PPP1R9A: variants seen among roughly 807,000 people sequenced by gnomAD.
PPP1R9A encodes neurabin-1.
PPP1R9A carries 59 observed loss-of-function variants against 141.9 expected under a neutral mutation model. That is an observed-to-expected ratio of 0.42 (90% CI 0.34 to 0.52). The LOEUF (loss-of-function observed/expected upper bound fraction) is 0.52, where lower values mean the gene tolerates loss of function less well. Among genes scored for constraint, PPP1R9A ranks in the 20% least tolerant of loss-of-function variants. The probability of loss-of-function intolerance (pLI) is 0.10; values close to 1 mark genes in which losing one functional copy is unlikely to be tolerated. For missense variants in PPP1R9A, 1,444 were observed against 1,611.9 expected (o/e 0.90, Z 1.78); for synonymous variants, 500 against 569.7 (o/e 0.88, Z 1.74).
chr7:95,103,968 A>G (rs933432179), intron 2 of PPP1R9A, among the ~76,000 whole-genome samples: 9 of 152,210 alleles, frequency 5.9e-5, no homozygotes, highest in African/African-American at 2.2e-4. Flanking sequence ...TTAATTTTCT[A>G]GGTATTTCAA....
intron 2 of PPP1R9A, among the ~76,000 whole-genome samples, chr7:94,969,236 T>G (rs564515847): frequency 1.3e-5 from 2 of 152,300 alleles, no homozygotes; most frequent in East Asian, 3.9e-4. Flanking sequence ...TTCTGGTTTT[T>G]GGAATTTTCA....
intron 2 of PPP1R9A, among the ~76,000 whole-genome samples, chr7:94,992,118 C>A (rs564685677): frequency 7.9e-5 from 12 of 152,284 alleles, no homozygotes; most frequent in South Asian, 2.1e-4. Flanking sequence ...ATGTCACACC[C>A]CAAAGTTTTC....
chr7:95,080,148 G>T (rs1231646313), intron 2 of PPP1R9A, among the ~76,000 whole-genome samples: 4 of 152,192 alleles, frequency 2.6e-5, no homozygotes, highest in Non-Finnish European at 5.9e-5. Context: ...AAGTCAAATT[G>T]TCCCTGTTTG....
intron 2 of PPP1R9A, among the ~76,000 whole-genome samples, chr7:94,960,686 GTA>G (rs1797539901): frequency 1.3e-5 from 2 of 151,738 alleles, no homozygotes; most frequent in Middle Eastern, 6.8e-3. Context: ...CTGTTATTCA[GTA>G]AAGTTAACAA....
At chr7:95,085,607 G>T (rs930106799) in intron 2 of PPP1R9A, among the ~76,000 whole-genome samples, 7 of 151,158 alleles carry the variant, frequency 4.6e-5, no homozygotes, top group Admixed American at 1.3e-4. Flanking sequence ...TAGTGACGGG[G>T]TTTCGCCATA....
chr7:95,172,701 A>G (rs144871209), intron 5 of PPP1R9A, among the ~76,000 whole-genome samples: 31 of 152,026 alleles, frequency 2.0e-4, no homozygotes, highest in African/African-American at 7.5e-4. Flanking sequence ...TAAGATTTCA[A>G]CTTTCCCTAA....
At chr7:95,114,954 C>T (rs1379723128) in intron 3 of PPP1R9A, among the ~76,000 whole-genome samples, 1 of 148,848 alleles carries the variant, frequency 6.7e-6, no homozygotes, top group Non-Finnish European at 1.5e-5. Context: ...AAAGCTATAT[C>T]CTTGATTTCT....
In PPP1R9A at chr7:95,199,601, G is replaced by A. The variant is rs183023682; in HGVS notation, c.1890+1117G>A. On this transcript the variant is annotated intron_variant, in intron 6 of 19. Transcript: ENST00000433360. ...GCAGAAAATTAGAGGTGGTATATCCGTTAACTTTTGATCAAAGAATAATAT... is the reference window on the plus strand; with the variant it reads ...GCAGAAAATTAGAGGTGGTATATCCATTAACTTTTGATCAAAGAATAATAT... Among the ~76,000 whole-genome samples the A allele has an allele frequency of 1.9e-4, 29 of 152,172 alleles. No homozygotes were observed. In the East Asian group the frequency reaches 3.1e-3, roughly 16 times the overall value.
intron 5 of PPP1R9A, among the ~76,000 whole-genome samples, chr7:95,173,131 C>A (rs1180630429): frequency 1.3e-5 from 2 of 151,592 alleles, no homozygotes; most frequent in African/African-American, 2.4e-5. Flanking sequence ...AGAAAACAGG[C>A]AAAAATCTGT....
intron 4 of PPP1R9A, among the ~76,000 whole-genome samples, chr7:95,147,257 A>G (rs1049714594): frequency 6.6e-6 from 1 of 152,142 alleles, no homozygotes; most frequent in Non-Finnish European, 1.5e-5. Context: ...CCTTGTAGCA[A>G]TTGTGAATGG....
chr7:95,116,228 A>G (rs1339995005), intron 3 of PPP1R9A, among the ~76,000 whole-genome samples: 1 of 152,194 alleles, frequency 6.6e-6, no homozygotes, highest in Non-Finnish European at 1.5e-5. Context: ...AATTAAAACC[A>G]GAAATCAAAT....
chr7:95,201,097 C>T (rs983170856), intron 6 of PPP1R9A, among the ~76,000 whole-genome samples: 1 of 152,076 alleles, frequency 6.6e-6, no homozygotes, highest in Admixed American at 6.6e-5. Flanking sequence ...TTCTGTATTT[C>T]TAATAATAGG....
At chr7:95,226,412 G>C (rs1795149387) in intron 8 of PPP1R9A, among the ~76,000 whole-genome samples, 1 of 152,022 alleles carries the variant, frequency 6.6e-6, no homozygotes, top group African/African-American at 2.4e-5. Flanking sequence ...CAGAAGTTTT[G>C]GTAACTAGTG....
chr7:95,166,405 T>C (rs1831273893), intron 5 of PPP1R9A, among the ~76,000 whole-genome samples: 1 of 152,024 alleles, frequency 6.6e-6, no homozygotes, highest in Non-Finnish European at 1.5e-5. Context: ...ACTAGAAAAC[T>C]TAGACAAACT....
chr7:94,907,813 C>G (rs988238424), intron 1 of PPP1R9A, 111 bp downstream of exon 1: 1 of 151,002 alleles, frequency 6.6e-6, no homozygotes, highest in Non-Finnish European at 1.5e-5. Flanking sequence ...AACCCCTTCC[C>G]CGGCCGGCAC....
Position 95,108,307 on chromosome 7 carries a change from C to CTTTTTTTTTTTTTTTTTTTTTTTT in PPP1R9A, c.1396-2949_1396-2926dup, listed in dbSNP as rs1166103728. ...TTTTCTTTTCTTTTTCGTTTCTTTTCTTTTTTTTTTTTTTTTTTTTTTTTT... is the reference window on the plus strand; with the variant it reads ...TTTTCTTTTCTTTTTCGTTTCTTTTCTTTTTTTTTTTTTTTTTTTTTTTTTTTTTTTTTTTTTTTTTTTTTTTTT... On this transcript the variant is annotated intron_variant, in intron 2 of 19. Coordinates refer to ENST00000433360, the MANE Select transcript of PPP1R9A (RefSeq NM_001166160.2). Among the ~76,000 whole-genome samples, 13 of 59,616 alleles carry CTTTTTTTTTTTTTTTTTTTTTTTT rather than the reference C, an allele frequency of 2.2e-4. 2 individuals are homozygous for CTTTTTTTTTTTTTTTTTTTTTTTT. The highest frequency in any genetic ancestry group is 4.3e-4 in the African/African-American group (6 of 13,854). 39.1% of individuals were successfully genotyped at this position (59,616 alleles called of 152,430 possible).
chr7:95,144,727 A>T lies in PPP1R9A; in HGVS notation c.1650-17140A>T, dbSNP rs79728884. On this transcript the variant is annotated intron_variant, in intron 4 of 19. Transcript: ENST00000433360. The stretch of plus-strand genomic sequence containing the variant: ...CTTATCAACATAGTACTGGAGTCCT[A>T]GCCTAATAATTAGACAAGAAAAAGA... Among the ~76,000 whole-genome samples, 1,342 of 152,344 alleles carry T rather than the reference A, an allele frequency of 8.8e-3. 19 individuals carry two copies. The highest frequency in any genetic ancestry group is 0.052 in the South Asian group (249 of 4,830).
intron 2 of PPP1R9A, among the ~76,000 whole-genome samples, chr7:94,986,160 T>C (rs1800804703): frequency 6.6e-6 from 1 of 152,200 alleles, no homozygotes; most frequent in Non-Finnish European, 1.5e-5. Flanking sequence ...CCACTACCAT[T>C]ATTTTCTTTT....
intron 2 of PPP1R9A, among the ~76,000 whole-genome samples, chr7:94,982,603 G>T (rs1800265119): frequency 6.6e-6 from 1 of 152,158 alleles, no homozygotes; most frequent in African/African-American, 2.4e-5. Context: ...TCATGTGTCT[G>T]TTGGCTGCAT....
Sources: gnomAD v4.1 joint callset for allele counts (sites outside exome capture counted in the v4.1 genomes callset) on GRCh38, gnomAD v4.1.1 for gene constraint, MANE v1.5 for transcripts, NCBI Gene and HGNC (gene_info 2026-07-23, HGNC 2026-07-21) for gene names.